Variants in TOP2B observed in about 807,000 individuals in gnomAD.
TOP2B encodes the protein DNA topoisomerase 2-beta.
TOP2B carries 51 observed loss-of-function variants against 193.5 expected under a neutral mutation model. That is an observed-to-expected ratio of 0.26 (90% CI 0.21 to 0.33). The LOEUF is 0.33. Among genes scored for constraint, TOP2B ranks in the 10% least tolerant of loss-of-function variants. TOP2B has a pLI of 1.00. For missense variants in TOP2B, 1,378 were observed against 1,909.3 expected, an observed-to-expected ratio of 0.72 and a Z score of 5.19; for synonymous variants, 634 against 635.7, an observed-to-expected ratio of 1.00 and a Z score of 0.04.
At chr3:25,642,784 T>C (rs533365500) in intron 3 of TOP2B, among the ~76,000 whole-genome samples, 1 of 152,300 alleles carries the variant, frequency 6.6e-6, no homozygotes, top group East Asian at 1.9e-4. Flanking sequence ...AGTGACTTTA[T>C]AGGCATATTG....
At position 25,599,439 on chromosome 3, in the gene TOP2B, C is replaced by A. The variant is rs760424687; in HGVS notation, c.4706G>T (p.Ser1569Ile). ...NPGRKTSKTT[S>I]KKPKKTSFDQ... ...TGCAATGATGTTCCCGGTTACCTTG[C>A]TTGTTGTTTTGGATGTTTTCCTGCC... The change falls in exon 35 of 36, where the codon AGC (serine) becomes ATC (isoleucine). Residue 1569 changes from serine (S) to isoleucine (I), a missense_variant. By Grantham distance (142) the Ser-to-Ile change is moderately radical (BLOSUM62 -2). Transcript: ENST00000264331. 3.7e-6 allele frequency: 6 copies of A among 1,612,916 alleles called. No homozygotes were observed.
Position 25,624,807 on chromosome 3 carries a change from T to G in TOP2B, c.2225-4A>C. 1 of 1,609,908 alleles carries G rather than the reference T, an allele frequency of 6.2e-7. No homozygotes were observed. The highest frequency in any genetic ancestry group is 8.5e-7 in the Non-Finnish European group (1 of 1,178,444). ...TTCCGCTGGCCAGGTTTAAAGCCTATTTTTAAAAGAGCTCTTTTAAAATGT... is the reference window on the plus strand; with the variant it reads ...TTCCGCTGGCCAGGTTTAAAGCCTAGTTTTAAAAGAGCTCTTTTAAAATGT... On this transcript the variant is annotated splice_polypyrimidine_tract_variant and splice_region_variant and intron_variant, in intron 18 of 35. Transcript: ENST00000264331.
chr3:25,658,070 A>AAAAAAAC (rs1703802413), intron 1 of TOP2B, among the ~76,000 whole-genome samples: 1 of 74,634 alleles, frequency 1.3e-5, no homozygotes, highest in Non-Finnish European at 2.5e-5. Flanking sequence ...CAAAAAAAAA[A>AAAAAAAC]AAAAAAAATT....
At chr3:25,663,817 A>C (rs952697436) in intron 1 of TOP2B, among the ~76,000 whole-genome samples, 3 of 151,562 alleles carry the variant, frequency 2.0e-5, no homozygotes, top group African/African-American at 7.3e-5. Flanking sequence ...ACACACACAC[A>C]CCCCTTTTCC....
intron 1 of TOP2B, among the ~76,000 whole-genome samples, chr3:25,651,480 G>T (rs1024739882): frequency 2.0e-5 from 3 of 150,354 alleles, no homozygotes; most frequent in Non-Finnish European, 4.4e-5. Flanking sequence ...ACAAAAGAAG[G>T]CAGCAAGGGA....
rs1009254917 is a variant in TOP2B, at chr3:25,618,679, C to T, written c.3234G>A (p.Glu1078=). ...CTATAGTAATTTTCCCTTGTATCTT[C>T]TCTAAAATGAAACGGGCTTGATTGT... ...KLNNQARFIL[E]KIQGKITIEN... is the part of the protein sequence containing the mutation. The change falls in exon 24 of 36, where the codon GAG becomes GAA. Residue 1078 remains glutamate, a synonymous_variant. Transcript: ENST00000264331. The T allele has an allele frequency of 1.9e-6, 3 of 1,611,548 alleles. No individual in the cohort carries two copies. The African/African-American group carries it at 4.0e-5, about 22-fold the overall frequency.
rs201465735 is a variant in TOP2B, at chr3:25,630,952, G to C, written c.1267-13C>G. 1 of 1,570,948 alleles carries C rather than the reference G, an allele frequency of 6.4e-7. No individual in the cohort carries two copies. The highest frequency in any genetic ancestry group is 2.3e-5 in the East Asian group (1 of 43,326). On this transcript the variant is annotated splice_polypyrimidine_tract_variant and intron_variant, in intron 10 of 35. Coordinates refer to ENST00000264331, the MANE Select transcript of TOP2B (RefSeq NM_001330700.2). Reference sequence around the variant, plus strand: ...CACAATTAGAGGCCTAAAAATAAAAGAATAATGGTATACAAACAAGCTGAA... The same window carrying C: ...CACAATTAGAGGCCTAAAAATAAAACAATAATGGTATACAAACAAGCTGAA...
At chr3:25,619,229 T>C (rs1702592467) in intron 23 of TOP2B, among the ~76,000 whole-genome samples, 1 of 152,020 alleles carries the variant, frequency 6.6e-6, no homozygotes, top group Non-Finnish European at 1.5e-5. Context: ...TCCTCCCCCA[T>C]ATATTCTGTG....
rs1478573003 is a variant in TOP2B, at chr3:25,618,852, A to G, written c.3064-3T>C. 6.3e-7 allele frequency: 1 copy of G among 1,593,792 alleles called. No homozygotes were observed. The highest frequency in any genetic ancestry group is 8.6e-7 in the Non-Finnish European group (1 of 1,168,396). On this transcript the variant is annotated splice_polypyrimidine_tract_variant and splice_region_variant and intron_variant, in intron 23 of 35. Transcript: ENST00000264331. The stretch of plus-strand genomic sequence containing the variant: ...CATCCCATATGATCAAAAAGTACCT[A>G]AGCAAAACACATATACTTTGCAGAT...
intron 4 of TOP2B, 101 bp downstream of exon 4, chr3:25,642,221 T>C: frequency 1.7e-6 from 1 of 594,282 alleles, no homozygotes; most frequent in Non-Finnish European, 2.8e-6. Flanking sequence ...AGGGAAACTT[T>C]AAAAGAGTAC....
At position 25,612,611 on chromosome 3, in the gene TOP2B, C is replaced by T. The variant is rs781724953; in HGVS notation, c.3690G>A (p.Leu1230=). ...CATAAGGTGAGGGCATTGTCTCTTCCAACTGGAGTTTCTTCACCTTAGGTT... is the reference window on the plus strand; with the variant it reads ...CATAAGGTGAGGGCATTGTCTCTTCTAACTGGAGTTTCTTCACCTTAGGTT... ...VGKPKVKKLQ[L]EETMPSPYGR... Residue 1230 remains leucine (L), a synonymous_variant, in exon 28 of 36, where the codon TTG becomes TTA. Transcript: ENST00000264331. 16 of 1,613,534 alleles carry T rather than the reference C, an allele frequency of 9.9e-6. No individual in the cohort carries two copies. In the Admixed American group the frequency reaches 1.3e-4, roughly 13 times the overall value.
chr3:25,630,740 T>A (rs934024754), intron 11 of TOP2B, 61 bp downstream of exon 11: 1 of 1,393,036 alleles, frequency 7.2e-7, no homozygotes, highest in African/African-American at 1.5e-5. Flanking sequence ...AATAAAAAAA[T>A]TCTGTAACTA....
At chr3:25,618,066 A>G (rs1409998484) in intron 25 of TOP2B, 1 of 207,532 alleles carries the variant, frequency 4.8e-6, no homozygotes, top group Non-Finnish European at 9.7e-6. Flanking sequence ...TTCTGGGTGC[A>G]ACCAGTCTGA....
At chr3:25,616,825 T>G (rs1702517355) in intron 25 of TOP2B, among the ~76,000 whole-genome samples, 1 of 152,004 alleles carries the variant, frequency 6.6e-6, no homozygotes, top group Non-Finnish European at 1.5e-5. Context: ...AGAAGTGTTC[T>G]ATGAATATGT....
At chr3:25,633,703 T>G (rs1703023466) in intron 8 of TOP2B, 138 bp downstream of exon 8, 3 of 610,860 alleles carry the variant, frequency 4.9e-6, no homozygotes, top group Non-Finnish European at 7.7e-6. Flanking sequence ...AATAGGTTTT[T>G]GTTTTCATAA....
At chr3:25,651,857 T>A (rs1703600583) in intron 1 of TOP2B, among the ~76,000 whole-genome samples, 2 of 148,858 alleles carry the variant, frequency 1.3e-5, no homozygotes, top group African/African-American at 5.0e-5. Flanking sequence ...AGAGGGAGAT[T>A]GTGTCTCAAA....
In TOP2B at chr3:25,599,490, G is replaced by C; in HGVS notation, c.4655C>G (p.Ser1552Cys). 2 of 1,613,506 alleles carry C rather than the reference G, an allele frequency of 1.2e-6. No homozygotes were observed. Among genetic ancestry groups the C allele is most frequent in the East Asian group, 2.2e-5 (1 of 44,864 alleles). ...AGGGTTATAATCGCCTTCATTTTCAGAGCCAGATGCTTTCCTTTTCTTTGC... is the reference window on the plus strand; with the variant it reads ...AGGGTTATAATCGCCTTCATTTTCACAGCCAGATGCTTTCCTTTTCTTTGC... ...RGAKKRKASG[S>C]ENEGDYNPGR... is the part of the protein sequence containing the mutation. The change falls in exon 35 of 36, where the codon TCT becomes TGT. Residue 1552 changes from serine to cysteine, a missense_variant. Ser to Cys is a moderately radical substitution (Grantham distance 112). Around this residue, in one of 9 missense-constraint regions of TOP2B, gnomAD observed 556 missense variants for 584.2 expected, o/e 0.95. Transcript: ENST00000264331.
chr3:25,612,682 C>T lies in TOP2B; in HGVS notation c.3619G>A (p.Val1207Ile), dbSNP rs766070395. 53 of 1,613,488 alleles carry T rather than the reference C, an allele frequency of 3.3e-5. No homozygotes were observed. The highest frequency in any genetic ancestry group is 4.2e-5 in the Non-Finnish European group (50 of 1,179,688). Residue 1207 changes from valine (V) to isoleucine (I), a missense_variant, in exon 28 of 36, where the codon GTT (valine) becomes ATT (isoleucine). By Grantham distance (29) the Val-to-Ile change is conservative (BLOSUM62 3). Coordinates refer to ENST00000264331, the MANE Select transcript of TOP2B (RefSeq NM_001330700.2). ...DKVESQERED[V>I]LAGMSGKAIK... ...GCTTTTCCAGACATTCCAGCCAGAA[C>T]ATCTTCTCGTTCTTGAGATTCCACT...
At chr3:25,599,844 G>C (rs1297114847) in intron 34 of TOP2B, among the ~76,000 whole-genome samples, 1 of 152,166 alleles carries the variant, frequency 6.6e-6, no homozygotes, top group African/African-American at 2.4e-5. Context: ...AAATATCTTG[G>C]AAGAGTACTT....
Sources: gnomAD v4.1 joint callset for allele counts (sites outside exome capture counted in the v4.1 genomes callset) on GRCh38, gnomAD v4.1.1 for gene constraint, gnomAD v4.1.1 regional missense constraint, MANE v1.5 for transcripts, NCBI Gene and HGNC (gene_info 2026-07-23, HGNC 2026-07-21) for gene names.